The following ERI3 variants were observed in gnomAD, a reference collection of about 807,000 sequenced individuals.
ERI3 encodes ERI1 exoribonuclease family member 3.
In ERI3, 18 loss-of-function variants were observed where a neutral mutation model predicts 44.4. The ratio of observed to expected loss-of-function variants is 0.41; its 90% confidence interval spans 0.28 to 0.60. The LOEUF (loss-of-function observed/expected upper bound fraction) is 0.60, where lower values mean the gene tolerates loss of function less well. Ranked by LOEUF, ERI3 falls within the 20% of genes least tolerant of loss-of-function variation. ERI3 has a pLI of 0.36. For missense variants in ERI3, 294 were observed against 435.5 expected, an observed-to-expected ratio of 0.68 and a Z score of 2.89; for synonymous variants, 183 against 164.8, an observed-to-expected ratio of 1.11 and a Z score of -0.84.
chr1:44,222,114 C>T (rs1179025107), intron 8 of ERI3, among the ~76,000 whole-genome samples: 1 of 152,238 alleles, frequency 6.6e-6, no homozygotes, highest in Admixed American at 6.5e-5. Flanking sequence ...GGTGACTTTG[C>T]CGGCACTTTC....
At chr1:44,260,724 G>A (rs1199528807) in intron 7 of ERI3, among the ~76,000 whole-genome samples, 1 of 151,994 alleles carries the variant, frequency 6.6e-6, no homozygotes, top group East Asian at 1.9e-4. Context: ...CAGATCTGAG[G>A]TACTTCATTC....
chr1:44,244,479 T>C (rs1644510429), intron 8 of ERI3, among the ~76,000 whole-genome samples: 1 of 152,176 alleles, frequency 6.6e-6, no homozygotes, highest in South Asian at 2.1e-4. Context: ...GACAGAGCAC[T>C]GTGTCTGCCA....
chr1:44,337,565 C>T (rs187445258), intron 3 of ERI3, among the ~76,000 whole-genome samples: 203 of 152,284 alleles, frequency 1.3e-3, no homozygotes, highest in African/African-American at 4.5e-3. Flanking sequence ...TTCCCTTACA[C>T]CCAAAGGACC....
At chr1:44,343,809 T>C (rs779424213) in intron 2 of ERI3, among the ~76,000 whole-genome samples, 4 of 152,294 alleles carry the variant, frequency 2.6e-5, no homozygotes, top group African/African-American at 4.8e-5. Flanking sequence ...TTATAGGAAA[T>C]GCACACCAAG....
At chr1:44,293,979 G>A (rs1368727892) in intron 6 of ERI3, among the ~76,000 whole-genome samples, 1 of 152,200 alleles carries the variant, frequency 6.6e-6, no homozygotes. Flanking sequence ...CCATCACCTG[G>A]GAGTCTCCAC....
chr1:44,319,573 G>C, intron 4 of ERI3, 55 bp downstream of exon 4: 3 of 1,276,066 alleles, frequency 2.4e-6, no homozygotes, highest in Middle Eastern at 2.2e-4. Context: ...AGAGCACCAA[G>C]GATTCCAAAA....
chr1:44,290,546 C>T (rs1645484511), intron 6 of ERI3, among the ~76,000 whole-genome samples: 1 of 152,192 alleles, frequency 6.6e-6, no homozygotes, highest in South Asian at 2.1e-4. Context: ...GGAAAGGGCC[C>T]ATTCCCACTG....
At chr1:44,300,132 A>G (rs1645692927) in intron 6 of ERI3, among the ~76,000 whole-genome samples, 1 of 152,182 alleles carries the variant, frequency 6.6e-6, no homozygotes, top group Non-Finnish European at 1.5e-5. Flanking sequence ...TTGCTTCTGG[A>G]CCAGTTAAGC....
rs370066000 is a variant in ERI3 at position 44,324,150 on chromosome 1, T to C, written c.490-4406A>G. On this transcript the variant is annotated intron_variant, in intron 3 of 8. Transcript: ENST00000372257. ...CTAATTCCTATGCTGGCACACAGGC[T>C]TCACTCTCTCAACTTTTGTTGTGTA... Among the ~76,000 whole-genome samples the C allele has an allele frequency of 2.0e-5, 3 of 152,288 alleles. No individual in the cohort carries two copies. In the East Asian group the frequency reaches 5.8e-4, roughly 29 times the overall value.
intron 8 of ERI3, among the ~76,000 whole-genome samples, chr1:44,243,028 T>C (rs1389337236): frequency 6.6e-6 from 1 of 152,210 alleles, no homozygotes; most frequent in Non-Finnish European, 1.5e-5. Flanking sequence ...TCATGGGCAC[T>C]AATGAGATCT....
At chr1:44,254,184 T>C (rs1029205397) in intron 7 of ERI3, among the ~76,000 whole-genome samples, 2 of 152,160 alleles carry the variant, frequency 1.3e-5, no homozygotes, top group African/African-American at 4.8e-5. Context: ...GCCATGGACG[T>C]TGCCTCTCAA....
chr1:44,350,879 C>G (rs1244211131), intron 2 of ERI3, among the ~76,000 whole-genome samples: 2 of 152,042 alleles, frequency 1.3e-5, no homozygotes, highest in Non-Finnish European at 2.9e-5. Flanking sequence ...AGCCATCGTG[C>G]CCAGCCATAT....
intron 7 of ERI3, among the ~76,000 whole-genome samples, chr1:44,256,501 G>A (rs1013703830): frequency 6.6e-6 from 1 of 152,214 alleles, no homozygotes; most frequent in Non-Finnish European, 1.5e-5. Context: ...CAGTTCTGTT[G>A]TGTGTACAGT....
chr1:44,264,825 C>T (rs1250267633), intron 7 of ERI3, among the ~76,000 whole-genome samples: 2 of 152,238 alleles, frequency 1.3e-5, no homozygotes, highest in African/African-American at 4.8e-5. Context: ...CCTAATTAGC[C>T]TAATAAAGCC....
In ERI3 at chr1:44,233,405, C is replaced by CT. The variant is rs767308485; in HGVS notation, c.932-11766dup. Among the ~76,000 whole-genome samples the CT allele has an allele frequency of 9.2e-3, 1,289 of 140,708 alleles. 8 individuals are homozygous for CT. The highest frequency in any genetic ancestry group is 0.016 in the African/African-American group (616 of 38,740). The allele number at this position is 140,708 out of a possible 152,430, so 92.3% of individuals were successfully genotyped here. On this transcript the variant is annotated intron_variant, in intron 8 of 8. Coordinates refer to ENST00000372257, the MANE Select transcript of ERI3 (RefSeq NM_024066.3). ...AGAGGGCCAAGCCTGATGTCACGTT[C>CT]TTTTTTTTTTTTTTTTGAGATGGAG...
At position 44,297,599 on chromosome 1, in the gene ERI3, T is replaced by C. The variant is rs1034511715; in HGVS notation, c.758+10711A>G. Among the ~76,000 whole-genome samples the C allele has an allele frequency of 3.9e-5, 6 of 152,196 alleles. No individual in the cohort carries two copies. In the East Asian group the frequency reaches 5.8e-4, roughly 15 times the overall value. ...GGTGCCAACACCCCTGTAGCCTTCA[T>C]GTGCCTCTGCATCTGTGAAGAGACA... is the stretch of plus-strand genomic sequence containing the variant. On this transcript the variant is annotated intron_variant, in intron 6 of 8. Transcript: ENST00000372257.
At chr1:44,340,170 C>G (rs907404023) in intron 2 of ERI3, among the ~76,000 whole-genome samples, 1 of 134,638 alleles carries the variant, frequency 7.4e-6, no homozygotes, top group Non-Finnish European at 1.6e-5. Context: ...AAAAAAAAAT[C>G]AAATCACTTT....
intron 3 of ERI3, among the ~76,000 whole-genome samples, chr1:44,329,535 A>T (rs983535839): frequency 6.6e-6 from 1 of 152,228 alleles, no homozygotes; most frequent in African/African-American, 2.4e-5. Context: ...AGTGTTGTGA[A>T]CAACGCAGAC....
At chr1:44,305,994 G>A (rs1317103378) in intron 6 of ERI3, among the ~76,000 whole-genome samples, 1 of 152,234 alleles carries the variant, frequency 6.6e-6, no homozygotes, top group African/African-American at 2.4e-5. Flanking sequence ...AGAGCCATCT[G>A]ACGAGCCTCT....
Sources: gnomAD v4.1 joint callset for allele counts (sites outside exome capture counted in the v4.1 genomes callset) on GRCh38, gnomAD v4.1.1 for gene constraint, MANE v1.5 for transcripts, NCBI Gene and HGNC (gene_info 2026-07-23, HGNC 2026-07-21) for gene names.